The following PTPRD variants were observed in gnomAD, a reference collection of about 807,000 sequenced individuals.
PTPRD encodes protein tyrosine phosphatase receptor type D, also known as receptor-type tyrosine-protein phosphatase delta.
A neutral mutation model predicts 214.5 loss-of-function variants in PTPRD; 34 were observed. That is an observed-to-expected ratio of 0.16 (90% CI 0.12 to 0.21). PTPRD has a LOEUF of 0.21. Ranked by LOEUF, PTPRD falls within the 10% of genes least tolerant of loss-of-function variation. The pLI is 1.00. For synonymous variants in PTPRD, 1,128 were observed against 845.7 expected, an observed-to-expected ratio of 1.33 and a Z score of -5.79; for missense variants, 2,545 against 2,398.7, an observed-to-expected ratio of 1.06 and a Z score of -1.27.
intron 9 of PTPRD, among the ~76,000 whole-genome samples, chr9:9,279,389 T>C (rs535708822): frequency 2.1e-5 from 3 of 143,998 alleles, no homozygotes; most frequent in East Asian, 2.0e-4. Flanking sequence ...TGGCAATAGA[T>C]AGATATAACA....
intron 8 of PTPRD, among the ~76,000 whole-genome samples, chr9:9,512,192 C>T (rs757952330): frequency 5.9e-5 from 9 of 151,840 alleles, no homozygotes; most frequent in African/African-American, 1.7e-4. Context: ...CTAGCAAAGA[C>T]GTAATTACAT....
intron 3 of PTPRD, among the ~76,000 whole-genome samples, chr9:10,277,163 TC>T (rs2094747004): frequency 9.5e-6 from 1 of 105,340 alleles, no homozygotes; most frequent in Non-Finnish European, 2.1e-5. Flanking sequence ...ATAAACTTGA[TC>T]TTTTGGTTTA....
intron 3 of PTPRD, among the ~76,000 whole-genome samples, chr9:10,226,742 G>C (rs1249648758): frequency 6.6e-6 from 1 of 151,936 alleles, no homozygotes; most frequent in South Asian, 2.1e-4. Context: ...TTGTCAGCAT[G>C]AGATAAAATC....
chr9:8,941,837 C>G (rs2099035867), intron 11 of PTPRD, among the ~76,000 whole-genome samples: 1 of 152,078 alleles, frequency 6.6e-6, no homozygotes, highest in Non-Finnish European at 1.5e-5. Context: ...TGGAGTTACA[C>G]TCTTTTTGCC....
At chr9:9,766,899 T>A (rs1170165597) in intron 5 of PTPRD, 48 bp from the exon 6 acceptor site, 1 of 152,576 alleles carries the variant, frequency 6.6e-6, no homozygotes, top group Non-Finnish European at 1.5e-5. Flanking sequence ...AGTAAATGCA[T>A]AGATTGAGAA....
chr9:8,863,344 A>T (rs933425855), intron 11 of PTPRD, among the ~76,000 whole-genome samples: 1 of 152,212 alleles, frequency 6.6e-6, no homozygotes, highest in African/African-American at 2.4e-5. Flanking sequence ...TCCATTAACC[A>T]TTGGCACTAT....
At chr9:8,731,711 G>A (rs1186234391) in intron 12 of PTPRD, among the ~76,000 whole-genome samples, 1 of 152,144 alleles carries the variant, frequency 6.6e-6, no homozygotes, top group Non-Finnish European at 1.5e-5. Context: ...ATTGCAAATG[G>A]ATGTCCCTTC....
rs537364182 is a variant in PTPRD at position 10,400,242 on chromosome 9, T to G, written c.-599-59225A>C. Among the ~76,000 whole-genome samples, 56 of 151,930 alleles carry G rather than the reference T, an allele frequency of 3.7e-4. 1 individual carries two copies. In the South Asian group the frequency reaches 0.011, roughly 30 times the overall value. ...ATAGTGCTCACTCACAGACCTGTTG[T>G]AAGAATTAATTGAGATAACAGATAT... On this transcript the variant is annotated intron_variant, in intron 2 of 45. Coordinates refer to ENST00000381196, the MANE Select transcript of PTPRD (RefSeq NM_002839.4).
At chr9:10,422,928 CAT>C (rs1388461464) in intron 2 of PTPRD, among the ~76,000 whole-genome samples, 1 of 151,980 alleles carries the variant, frequency 6.6e-6, no homozygotes, top group African/African-American at 2.4e-5. Flanking sequence ...CTAGAAATAC[CAT>C]TTGACCCAGC....
At chr9:10,028,891 T>A (rs1216333803) in intron 4 of PTPRD, among the ~76,000 whole-genome samples, 1 of 152,140 alleles carries the variant, frequency 6.6e-6, no homozygotes, top group Non-Finnish European at 1.5e-5. Context: ...GGAAAATGTC[T>A]CCAGGGCATG....
rs77502567 is a variant in PTPRD at position 9,835,022 on chromosome 9, G to T, written c.-367-68171C>A. 4.1e-4 allele frequency among the ~76,000 whole-genome samples: 62 copies of T among 151,360 alleles called. 1 individual carries two copies. The East Asian group carries it at 0.012, about 30-fold the overall frequency. ...AGTACTTCTACCACCTTCCTTTATT[G>T]TTATATAGTAGATAGGGTACTTAGT... On this transcript the variant is annotated intron_variant, in intron 5 of 45. Coordinates refer to ENST00000381196, the MANE Select transcript of PTPRD (RefSeq NM_002839.4).
intron 14 of PTPRD, among the ~76,000 whole-genome samples, chr9:8,584,049 G>A (rs1396252040): frequency 6.6e-6 from 1 of 152,116 alleles, no homozygotes; most frequent in Non-Finnish European, 1.5e-5. Flanking sequence ...TGCTACTTGG[G>A]AAGCTGACAC....
intron 4 of PTPRD, among the ~76,000 whole-genome samples, chr9:9,957,268 A>C (rs2094002888): frequency 6.6e-6 from 1 of 152,154 alleles, no homozygotes; most frequent in Non-Finnish European, 1.5e-5. Context: ...CATAAATCCA[A>C]ATCATATGGA....
At chr9:8,478,079 T>C (rs188060210) in intron 30 of PTPRD, among the ~76,000 whole-genome samples, 49 of 152,326 alleles carry the variant, frequency 3.2e-4, no homozygotes, top group Admixed American at 1.4e-3. Context: ...ATTACTAGTA[T>C]TAGCTGTATG....
chr9:10,033,160 T>G (rs927468333), intron 4 of PTPRD, among the ~76,000 whole-genome samples: 7 of 151,334 alleles, frequency 4.6e-5, no homozygotes, highest in Non-Finnish European at 8.9e-5. Context: ...TACATGCTCT[T>G]AAAATATTTA....
intron 7 of PTPRD, among the ~76,000 whole-genome samples, chr9:9,728,169 TC>T (rs1564812297): frequency 6.6e-6 from 1 of 152,020 alleles, no homozygotes; most frequent in Admixed American, 6.6e-5. Flanking sequence ...ATTGTGAGAC[TC>T]CCCCAGCCAC....
At chr9:8,791,741 C>G (rs1046717710) in intron 11 of PTPRD, among the ~76,000 whole-genome samples, 18 of 152,052 alleles carry the variant, frequency 1.2e-4, no homozygotes, top group Non-Finnish European at 2.4e-4. Flanking sequence ...ACTGAGGATG[C>G]TGACTGGCTA....
chr9:8,465,026 C>A (rs1284248743), intron 32 of PTPRD, among the ~76,000 whole-genome samples: 1 of 151,868 alleles, frequency 6.6e-6, no homozygotes, highest in Non-Finnish European at 1.5e-5. Flanking sequence ...CAGAAATATG[C>A]CATGTTGAAT....
chr9:9,862,060 G>C (rs888838703), intron 5 of PTPRD, among the ~76,000 whole-genome samples: 1 of 152,078 alleles, frequency 6.6e-6, no homozygotes, highest in Admixed American at 6.5e-5. Context: ...GAAAAGATAA[G>C]ATTATGTGCT....
Sources: allele counts gnomAD v4.1 joint callset (sites outside exome capture counted in the v4.1 genomes callset), GRCh38; gene constraint gnomAD v4.1.1; transcripts MANE v1.5; gene names NCBI Gene and HGNC (gene_info 2026-07-23, HGNC 2026-07-21).